VWA3B: variants seen among roughly 807,000 people sequenced by gnomAD.
VWA3B encodes the protein von Willebrand factor A domain containing 3B, also known as von Willebrand factor A domain-containing protein 3B.
A neutral mutation model predicts 158.3 loss-of-function variants in VWA3B; 138 were observed. That is an observed-to-expected ratio of 0.87 (90% confidence interval 0.76 to 1.00). The LOEUF (loss-of-function observed/expected upper bound fraction) is 1.00. Ranked by LOEUF, VWA3B falls within the 50% of genes least tolerant of loss-of-function variation. The pLI is 0.00. For synonymous variants in VWA3B, 596 were observed against 587.3 expected (o/e 1.01, Z -0.21); for missense variants, 1,555 against 1,565.1 (o/e 0.99, Z 0.11).
Position 98,188,126 on chromosome 2 carries a change from G to A in VWA3B, c.1463G>A (p.Arg488Lys). 6.2e-7 allele frequency: 1 copy of A among 1,609,720 alleles called. No homozygotes were observed. The highest frequency in any genetic ancestry group is 8.5e-7 in the Non-Finnish European group (1 of 1,177,986). Residue 488 changes from arginine to lysine, a missense_variant, in exon 10 of 28, where the codon AGG becomes AAG. Transcript: ENST00000477737. ...CACACAGCCCTGGCCCGGATCCGAA[G>A]GAGGTTGGTGTTATTTGCAGGAAGT... ...RIHTALARIR[R>K]RIKWLQDGSQ... is the part of the protein sequence containing the mutation.
At chr2:98,252,471 A>G (rs186501156) in intron 20 of VWA3B, among the ~76,000 whole-genome samples, 1 of 152,210 alleles carries the variant, frequency 6.6e-6, no homozygotes, top group East Asian at 1.9e-4. Context: ...CGAGCTAGAT[A>G]GAGCTTCGTG....
chr2:98,211,243 TG>T (rs563109821), intron 12 of VWA3B, among the ~76,000 whole-genome samples: 84 of 152,318 alleles, frequency 5.5e-4, no homozygotes, highest in Non-Finnish European at 8.1e-4. Flanking sequence ...ACAACGGAAC[TG>T]AGATGAGGGG....
At chr2:98,279,737 T>C (rs1048829672) in intron 22 of VWA3B, among the ~76,000 whole-genome samples, 3 of 151,626 alleles carry the variant, frequency 2.0e-5, no homozygotes, top group African/African-American at 7.3e-5. Context: ...GAGCAGGGAG[T>C]GGGCAGGACA....
At chr2:98,162,219 A>G (rs539560141) in intron 7 of VWA3B, among the ~76,000 whole-genome samples, 1 of 136,500 alleles carries the variant, frequency 7.3e-6, no homozygotes, top group African/African-American at 2.8e-5. Context: ...GATCTCGATG[A>G]AGGCAGAGCC....
At chr2:98,265,373 T>C (rs1296200038) in intron 21 of VWA3B, among the ~76,000 whole-genome samples, 1 of 151,666 alleles carries the variant, frequency 6.6e-6, no homozygotes, top group Non-Finnish European at 1.5e-5. Flanking sequence ...GGACATGAAC[T>C]CATCCTTTTT....
intron 22 of VWA3B, 142 bp from the exon 23 acceptor site, chr2:98,290,369 C>T (rs1689413526): frequency 7.6e-6 from 5 of 656,246 alleles, no homozygotes; most frequent in Non-Finnish European, 1.0e-5. Context: ...GGCCCCACCT[C>T]CAACACTGGA....
intron 19 of VWA3B, among the ~76,000 whole-genome samples, chr2:98,238,319 T>G (rs950688885): frequency 6.6e-6 from 1 of 152,194 alleles, no homozygotes; most frequent in South Asian, 2.1e-4. Context: ...GATTTATACC[T>G]AATTAGTCAG....
intron 22 of VWA3B, among the ~76,000 whole-genome samples, chr2:98,290,229 C>A (rs2105946768): frequency 6.6e-6 from 1 of 152,246 alleles, no homozygotes; most frequent in South Asian, 2.1e-4. Context: ...ACATGGCCAG[C>A]ATGAGAGAGA....
At chr2:98,328,714 A>G in the VWA3B span, among the ~76,000 whole-genome samples, 2 of 152,238 alleles carry the variant, frequency 1.3e-5, no homozygotes, top group Admixed American at 6.5e-5. Flanking sequence ...AATCAAGTTC[A>G]TAGATTGGGG....
chr2:98,325,837 A>G, the VWA3B span, among the ~76,000 whole-genome samples: 1 of 152,230 alleles, frequency 6.6e-6, no homozygotes. Context: ...AAACCAGTAG[A>G]GATTATCTCA....
At chr2:98,247,245 G>A (rs187142456) in intron 19 of VWA3B, among the ~76,000 whole-genome samples, 31 of 152,094 alleles carry the variant, frequency 2.0e-4, no homozygotes, top group African/African-American at 6.7e-4. Context: ...TGATCCACCC[G>A]CCTCAGCCTC....
chr2:98,329,573 T>G, the VWA3B span, among the ~76,000 whole-genome samples: 1 of 151,952 alleles, frequency 6.6e-6, no homozygotes, highest in African/African-American at 2.4e-5. Flanking sequence ...GAAGAGTAGA[T>G]CTCCATCATT....
intron 21 of VWA3B, among the ~76,000 whole-genome samples, chr2:98,266,365 G>A (rs1217401782): frequency 3.3e-5 from 5 of 150,550 alleles, no homozygotes; most frequent in African/African-American, 7.3e-5. Flanking sequence ...TAGATATGTG[G>A]CGTTATTTCT....
At chr2:98,091,811 C>T (rs61599062) in intron 1 of VWA3B, among the ~76,000 whole-genome samples, 3,290 of 152,210 alleles carry the variant, frequency 0.022, 113 homozygotes, top group African/African-American at 0.075. Flanking sequence ...AAAAGTTTTA[C>T]AATTCAGGGT....
At chr2:98,234,840 T>A in intron 17 of VWA3B, 73 bp downstream of exon 17, 1 of 1,589,498 alleles carries the variant, frequency 6.3e-7, no homozygotes, top group African/African-American at 1.3e-5. Flanking sequence ...AAGAGCTGCG[T>A]GTAGATATGT....
At chr2:98,159,788 G>A (rs1395914253) in intron 7 of VWA3B, among the ~76,000 whole-genome samples, 4 of 151,566 alleles carry the variant, frequency 2.6e-5, no homozygotes, top group Admixed American at 6.6e-5. Context: ...AGGCTGAGGC[G>A]GGTGGATCAC....
chr2:98,181,094 G>A lies in VWA3B; in HGVS notation c.1193G>A (p.Gly398Asp), dbSNP rs746614101. 4 of 1,614,110 alleles carry A rather than the reference G, an allele frequency of 2.5e-6. No individual in the cohort carries two copies. In the East Asian group the frequency reaches 8.9e-5, roughly 36 times the overall value. Residue 398 changes from glycine (G) to aspartate (D), a missense_variant, in exon 9 of 28, where the codon GGC becomes GAC. By Grantham distance (94) the Gly-to-Asp change is moderately conservative. Transcript: ENST00000477737. ...TCTAAGACATGGCTGCAGAAATATG[G>A]CTTGAAGGCCCAGAAGCTATCCTTG... ...WDSKTWLQKY[G>D]LKAQKLSLYD...
intron 7 of VWA3B, among the ~76,000 whole-genome samples, chr2:98,146,829 G>A (rs1035921408): frequency 2.0e-5 from 3 of 152,200 alleles, no homozygotes; most frequent in East Asian, 3.9e-4. Flanking sequence ...ATATAGCTTC[G>A]TTCATCCTGG....
intron 12 of VWA3B, among the ~76,000 whole-genome samples, chr2:98,195,981 A>G (rs1682006891): frequency 6.6e-6 from 1 of 152,234 alleles, no homozygotes; most frequent in East Asian, 1.9e-4. Flanking sequence ...ATGAACCTGG[A>G]GGACATTATA....
Sources: allele counts gnomAD v4.1 joint callset (sites outside exome capture counted in the v4.1 genomes callset), GRCh38; gene constraint gnomAD v4.1.1; transcripts MANE v1.5; gene names NCBI Gene and HGNC (gene_info 2026-07-23, HGNC 2026-07-21).